CACNA1C: variants seen among roughly 807,000 people sequenced by gnomAD.
CACNA1C encodes calcium voltage-gated channel subunit alpha1 C, also known as voltage-dependent L-type calcium channel subunit alpha-1C.
Under a neutral mutation model 229.0 loss-of-function variants are expected in CACNA1C, and 30 were observed. That is an observed-to-expected ratio of 0.13 (90% CI 0.10 to 0.18). The LOEUF is 0.18. CACNA1C is among the 10% of genes least tolerant of loss of function. The pLI is 1.00. For missense variants in CACNA1C, 1,658 were observed against 2,845.0 expected, an observed-to-expected ratio of 0.58 and a Z score of 9.49; for synonymous variants, 1,114 against 1,132.5, an observed-to-expected ratio of 0.98 and a Z score of 0.33.
intron 3 of CACNA1C, among the ~76,000 whole-genome samples, chr12:2,235,546 A>T (rs923692666): frequency 4.6e-5 from 7 of 152,194 alleles, no homozygotes; most frequent in Admixed American, 6.5e-5. Flanking sequence ...AGATCTTGCC[A>T]TCACTAGGGG....
At chr12:2,491,448 AAAG>A (rs1359812749) in intron 6 of CACNA1C, among the ~76,000 whole-genome samples, 3 of 98,890 alleles carry the variant, frequency 3.0e-5, no homozygotes, top group East Asian at 2.9e-4. Flanking sequence ...AGGAGGAGGA[AAAG>A]GAGGAGGAGG....
Position 2,067,950 on chromosome 12 carries a change from C to T in CACNA1C, c.49+14339C>T, listed in dbSNP as rs996985231. Reference sequence around the variant, plus strand: ...AGCCTTTGTGGAGTGTTAAGCCCTGCGATTTTATATCCTTATAATTATATC... The same window carrying T: ...AGCCTTTGTGGAGTGTTAAGCCCTGTGATTTTATATCCTTATAATTATATC... On this transcript the variant is annotated intron_variant, in intron 1 of 46. Coordinates refer to ENST00000399655, the MANE Select transcript of CACNA1C (RefSeq NM_000719.7). This position sits in a 1 kb window ranked among gnomAD's most constrained non-coding sequence, Gnocchi z 5.3. Among the ~76,000 whole-genome samples, 5 of 152,078 alleles carry T rather than the reference C, an allele frequency of 3.3e-5. No homozygotes were observed. The highest frequency in any genetic ancestry group is 7.4e-5 in the Non-Finnish European group (5 of 68,012).
rs1425017172 is a variant in CACNA1C, at chr12:2,493,995, A to G, written c.1113+609A>G. 6.6e-6 allele frequency among the ~76,000 whole-genome samples: 1 copy of G among 152,104 alleles called. No homozygotes were observed. The highest frequency in any genetic ancestry group is 2.4e-5 in the African/African-American group (1 of 41,410). On this transcript the variant is annotated intron_variant, in intron 7 of 46. Transcript: ENST00000399655. This position sits in a 1 kb window ranked among gnomAD's most constrained non-coding sequence, Gnocchi z 4.6. ...ACATGCTGCTGGTCATGTGATGCCT[A>G]TTTAGAAATACACTTTTTTTTTTTA...
intron 13 of CACNA1C, among the ~76,000 whole-genome samples, chr12:2,576,476 TCTG>T (rs1463360026): frequency 1.3e-5 from 2 of 152,204 alleles, no homozygotes; most frequent in Admixed American, 1.3e-4. Context: ...AGTGCTTTGC[TCTG>T]CTGCTGCTCG....
At chr12:2,487,348 C>A (rs556338735) in intron 6 of CACNA1C, among the ~76,000 whole-genome samples, 2 of 151,062 alleles carry the variant, frequency 1.3e-5, no homozygotes, top group South Asian at 4.3e-4. Context: ...TAAATGGGAC[C>A]TCTCGCTTCA....
At position 2,403,393 on chromosome 12, in the gene CACNA1C, G is replaced by A. The variant is rs986662270; in HGVS notation, c.478-45583G>A. 2.0e-5 allele frequency among the ~76,000 whole-genome samples: 3 copies of A among 152,084 alleles called. No individual in the cohort carries two copies. Among genetic ancestry groups the A allele is most frequent in the Admixed American group, 6.5e-5 (1 of 15,282 alleles). On this transcript the variant is annotated intron_variant, in intron 3 of 46. Coordinates refer to ENST00000399655, the MANE Select transcript of CACNA1C (RefSeq NM_000719.7). The surrounding 1 kb of genome is among the most constrained non-coding windows in gnomAD (Gnocchi z 4.1). ...TGGCGTTGGAGGCAGGAGTGAGCGC[G>A]GAGCTGTGAGGACCCAGGGAGGAGG... is the stretch of plus-strand genomic sequence containing the variant.
chr12:1,998,506 T>G (rs1289654705), intron 1 of CACNA1C, among the ~76,000 whole-genome samples: 1 of 152,230 alleles, frequency 6.6e-6, no homozygotes, highest in African/African-American at 2.4e-5. Flanking sequence ...AGTTCTCAGA[T>G]GAATCAATCA....
At chr12:2,090,134 T>C (rs1483705231) in intron 1 of CACNA1C, among the ~76,000 whole-genome samples, 2 of 152,196 alleles carry the variant, frequency 1.3e-5, no homozygotes, top group Non-Finnish European at 1.5e-5. Flanking sequence ...TCTCTGTTTT[T>C]ATGCATTTGA....
intron 1 of CACNA1C, among the ~76,000 whole-genome samples, chr12:2,106,669 TG>T (rs71057819): frequency 0.25 from 4,999 of 19,778 alleles, 1,074 homozygotes; most frequent in Non-Finnish European, 0.33. Context: ...CCACCTCAGC[TG>T]GGGCGTCCTG....
chr12:2,107,342 A>AGGATTTCTCTCGCTT (rs1451417492), intron 1 of CACNA1C, among the ~76,000 whole-genome samples: 7 of 95,368 alleles, frequency 7.3e-5, no homozygotes, highest in Non-Finnish European at 1.4e-4. Flanking sequence ...GGGTGTGCTG[A>AGGATTTCTCTCGCTT]AACCACTGGG....
intron 3 of CACNA1C, among the ~76,000 whole-genome samples, chr12:2,193,463 A>C (rs563311327): frequency 2.0e-5 from 3 of 150,528 alleles, no homozygotes; most frequent in Admixed American, 6.6e-5. Context: ...TCAAAAAAAA[A>C]CAAAAAACAA....
At chr12:2,593,023 C>G (rs1055963778) in intron 18 of CACNA1C, among the ~76,000 whole-genome samples, 190 bp from the exon 19 acceptor site, 1 of 152,178 alleles carries the variant, frequency 6.6e-6, no homozygotes, top group African/African-American at 2.4e-5. Flanking sequence ...TTATTGTGCA[C>G]TGCCAGATAC....
rs572483174 is a variant in CACNA1C at position 2,311,857 on chromosome 12, C to A, written c.478-137119C>A. On this transcript the variant is annotated intron_variant, in intron 3 of 46. Transcript: ENST00000399655. ...GATGGTGATGATGATTGCATAATAA[C>A]GTGAATATACTTAATGCCACCGAAC... 2.0e-5 allele frequency among the ~76,000 whole-genome samples: 3 copies of A among 152,214 alleles called. No individual in the cohort carries two copies. The South Asian group carries it at 6.2e-4, about 32-fold the overall frequency.
rs1452788617 is a variant in CACNA1C at position 2,633,670 on chromosome 12, C to T, written c.3829-627C>T. 3 of 1,611,172 alleles carry T rather than the reference C, an allele frequency of 1.9e-6. No homozygotes were observed. Among genetic ancestry groups the T allele is most frequent in the Admixed American group, 1.7e-5 (1 of 60,002 alleles). On this transcript the variant is annotated intron_variant, in intron 29 of 46. Coordinates refer to ENST00000399655, the MANE Select transcript of CACNA1C (RefSeq NM_000719.7). The surrounding 1 kb of genome is among the most constrained non-coding windows in gnomAD (Gnocchi z 5.8). ...CCTGGAATGTTTTTGACTTCCTCAT[C>T]GTAATTGGCAGCATAATTGACGTCA... is the stretch of plus-strand genomic sequence containing the variant.
intron 1 of CACNA1C, among the ~76,000 whole-genome samples, chr12:2,106,921 G>T (rs1253982442): frequency 1.1e-5 from 1 of 90,074 alleles, no homozygotes; most frequent in Non-Finnish European, 2.6e-5. Flanking sequence ...CCCGGGGAGG[G>T]TTTCCACCTC....
intron 8 of CACNA1C, among the ~76,000 whole-genome samples, chr12:2,507,173 C>T (rs931261576): frequency 2.6e-5 from 4 of 152,184 alleles, no homozygotes; most frequent in Admixed American, 6.5e-5. Context: ...TGGAGACCTT[C>T]GCCAGCCTCT....
At chr12:2,111,494 G>C (rs574301642) in intron 1 of CACNA1C, among the ~76,000 whole-genome samples, 2 of 151,536 alleles carry the variant, frequency 1.3e-5, no homozygotes, top group East Asian at 2.0e-4. Context: ...CTGGCAGCCC[G>C]TATGAGATGG....
intron 3 of CACNA1C, among the ~76,000 whole-genome samples, chr12:2,263,780 C>T (rs1474755643): frequency 2.0e-5 from 3 of 151,780 alleles, no homozygotes; most frequent in Admixed American, 6.5e-5. Context: ...CACCATGATC[C>T]GAGATGGGCA....
chr12:2,196,195 G>C (rs146517026), intron 3 of CACNA1C, among the ~76,000 whole-genome samples: 113 of 152,260 alleles, frequency 7.4e-4, no homozygotes, highest in African/African-American at 2.7e-3. Flanking sequence ...AGTGTACCTG[G>C]GGCAAGGAGT....
Sources: allele counts gnomAD v4.1 joint callset (sites outside exome capture counted in the v4.1 genomes callset), GRCh38; gene constraint gnomAD v4.1.1; non-coding constraint Gnocchi (gnomAD v3.1); transcripts MANE v1.5; gene names NCBI Gene and HGNC (gene_info 2026-07-23, HGNC 2026-07-21).